ANKRD49: variants seen among roughly 807,000 people sequenced by gnomAD.
ANKRD49 encodes the protein ankyrin repeat domain-containing protein 49.
ANKRD49 carries 18 observed loss-of-function variants against 19.6 expected under a neutral mutation model. The observed-to-expected ratio is 0.92, with a 90% CI of 0.63 to 1.36. The LOEUF is 1.36. Ranked by LOEUF, ANKRD49 falls within the 40% of genes most tolerant of loss-of-function variation. The pLI is 0.00. For missense variants in ANKRD49, 218 were observed against 281.6 expected, an observed-to-expected ratio of 0.77 and a Z score of 1.62; for synonymous variants, 88 against 101.8, an observed-to-expected ratio of 0.86 and a Z score of 0.82.
chr11:94,497,938 T>G, intron 2 of ANKRD49, 133 bp from the exon 3 acceptor site: 1 of 666,284 alleles, frequency 1.5e-6, no homozygotes, highest in South Asian at 2.2e-5. Flanking sequence ...CTTAAATTAT[T>G]TTCATTTTAA....
At chr11:94,496,226 GCT>G (rs1947416231) in intron 1 of ANKRD49, among the ~76,000 whole-genome samples, 1 of 152,074 alleles carries the variant, frequency 6.6e-6, no homozygotes, top group Non-Finnish European at 1.5e-5. Flanking sequence ...TTTTATTTCT[GCT>G]CTATATTATC....
chr11:94,496,935 C>T lies in ANKRD49; in HGVS notation c.242C>T (p.Ala81Val). ...EKDPSRLLLW[A>V]AEKNRLTTVR... The stretch of plus-strand genomic sequence containing the variant: ...GACCCAAGCAGATTGCTTCTTTGGG[C>T]TGCTGAAAAAAATCGGGTAAAAAAA... Residue 81 changes from alanine to valine, a missense_variant, in exon 2 of 3, where the codon GCT (alanine) becomes GTT (valine). Coordinates refer to ENST00000544612, the MANE Select transcript of ANKRD49 (RefSeq NM_017704.3). The T allele has an allele frequency of 6.2e-7, 1 of 1,613,238 alleles. No homozygotes were observed. Among genetic ancestry groups the T allele is most frequent in the Non-Finnish European group, 8.5e-7 (1 of 1,179,900 alleles).
chr11:94,497,767 T>TA (rs1481545812), intron 2 of ANKRD49: 1 of 280,828 alleles, frequency 3.6e-6, no homozygotes, highest in East Asian at 7.2e-5. Flanking sequence ...AAGCCTATGT[T>TA]ATTCATTGGA....
In ANKRD49 at chr11:94,495,003, T is replaced by G. The variant is rs561845495; in HGVS notation, c.-91+968T>G. 1.3e-3 allele frequency among the ~76,000 whole-genome samples: 196 copies of G among 152,318 alleles called. 1 individual carries two copies. Among genetic ancestry groups the G allele is most frequent in the African/African-American group, 4.3e-3 (178 of 41,562 alleles). ...AACACAGAGCAATTCTGATTGGATATCTCTGATTCCAAGGGTGTCTCTGAT... is the reference window on the plus strand; with the variant it reads ...AACACAGAGCAATTCTGATTGGATAGCTCTGATTCCAAGGGTGTCTCTGAT... On this transcript the variant is annotated intron_variant, in intron 1 of 2. Coordinates refer to ENST00000544612, the MANE Select transcript of ANKRD49 (RefSeq NM_017704.3).
chr11:94,498,826 A>G lies in ANKRD49; in HGVS notation c.*294A>G. The G allele has an allele frequency of 2.9e-6, 1 of 339,560 alleles. No homozygotes were observed. Among genetic ancestry groups the G allele is most frequent in the Non-Finnish European group, 5.4e-6 (1 of 186,290 alleles). 21.0% of individuals were successfully genotyped at this position (339,560 alleles called of 1,614,324 possible). On this transcript the variant is annotated 3_prime_UTR_variant, in exon 3 of 3. Transcript: ENST00000544612. ...ACAGAAACTGGTATTTTTGGTGCTG[A>G]TACAAGAGAAATGTATTTTTAAATA...
chr11:94,498,445 T>G lies in ANKRD49; in HGVS notation c.633T>G (p.Thr211=), dbSNP rs749169445. Residue 211 remains threonine, a synonymous_variant, in exon 3 of 3, where the codon ACT becomes ACG. Coordinates refer to ENST00000544612, the MANE Select transcript of ANKRD49 (RefSeq NM_017704.3). ...GGCTGAAAAACAACTTGGAAGAAAC[T>G]GCATTTGATATTGCCAGGAGGACAA... is the stretch of plus-strand genomic sequence containing the variant. The part of the protein sequence containing the change: ...KPGLKNNLEE[T]AFDIARRTSI... 6.2e-7 allele frequency: 1 copy of G among 1,613,934 alleles called. No homozygotes were observed. The highest frequency in any genetic ancestry group is 8.5e-7 in the Non-Finnish European group (1 of 1,179,868).
At chr11:94,494,183 C>G (rs1268259273) in intron 1 of ANKRD49, 148 bp downstream of exon 1, 1 of 152,202 alleles carries the variant, frequency 6.6e-6, no homozygotes, top group Non-Finnish European at 1.5e-5. Flanking sequence ...AGGACCGAAG[C>G]CGCTTCTCCG....
rs1284813124 is a variant in ANKRD49, at chr11:94,498,624, C to G, written c.*92C>G. The G allele has an allele frequency of 8.9e-6, 10 of 1,129,532 alleles. No homozygotes were observed. Among genetic ancestry groups the G allele is most frequent in the Non-Finnish European group, 1.3e-5 (10 of 786,806 alleles). 70.0% of individuals were successfully genotyped at this position (1,129,532 alleles called of 1,614,324 possible). On this transcript the variant is annotated 3_prime_UTR_variant, in exon 3 of 3. Transcript: ENST00000544612. ...ATCAAAGTTGACGTCAAACATCTTACTACAAAAATTCAGTGACATTCATTA... is the reference window on the plus strand; with the variant it reads ...ATCAAAGTTGACGTCAAACATCTTAGTACAAAAATTCAGTGACATTCATTA...
chr11:94,498,518 T>G lies in ANKRD49; in HGVS notation c.706T>G (p.Ser236Ala). Residue 236 changes from serine to alanine, a missense_variant, in exon 3 of 3, where the codon TCA becomes GCA. By Grantham distance (99) the Ser-to-Ala change is moderately conservative. Transcript: ENST00000544612. ...AATTGTGGAAGGCTGTACAAATTCT[T>G]CACCTCAGTCTTAACAATTCTAGTA... ...FEIVEGCTNS[S>A]PQS 1 of 1,612,578 alleles carries G rather than the reference T, an allele frequency of 6.2e-7. No individual in the cohort carries two copies. The highest frequency in any genetic ancestry group is 8.5e-7 in the Non-Finnish European group (1 of 1,179,052).
rs1180498859 is a variant in ANKRD49 at position 94,499,030 on chromosome 11, T to C, written c.*498T>C. 6.5e-6 allele frequency: 1 copy of C among 154,232 alleles called. No individual in the cohort carries two copies. Among genetic ancestry groups the C allele is most frequent in the African/African-American group, 2.4e-5 (1 of 41,474 alleles). The allele number at this position is 154,232 out of a possible 1,614,324, so 9.6% of individuals were successfully genotyped here. A position where few individuals can be genotyped will look rare whatever the true frequency, so the allele number is the denominator to read the frequency against. The stretch of plus-strand genomic sequence containing the variant: ...CCAGAGCAAGTAACATATTAGTGAC[T>C]TGAATCTTCATAAGTTAAAGTAAAA... On this transcript the variant is annotated 3_prime_UTR_variant, in exon 3 of 3. Coordinates refer to ENST00000544612, the MANE Select transcript of ANKRD49 (RefSeq NM_017704.3).
intron 2 of ANKRD49, 139 bp downstream of exon 2, chr11:94,497,090 A>C: frequency 1.7e-6 from 2 of 1,172,130 alleles, no homozygotes; most frequent in Non-Finnish European, 2.5e-6. Flanking sequence ...ACATGAAAGC[A>C]CATATTAAGC....
intron 1 of ANKRD49, among the ~76,000 whole-genome samples, chr11:94,494,383 CA>C (rs1947379215): frequency 6.6e-6 from 1 of 152,194 alleles, no homozygotes. Context: ...ATGTATAGTG[CA>C]GCGAAAAATA....
At chr11:94,496,157 G>A (rs1185564908) in intron 1 of ANKRD49, among the ~76,000 whole-genome samples, 1 of 152,098 alleles carries the variant, frequency 6.6e-6, no homozygotes, top group Non-Finnish European at 1.5e-5. Flanking sequence ...CCTTTTGGGG[G>A]CTATTCCATC....
Position 94,498,402 on chromosome 11 carries a change from A to G in ANKRD49, c.590A>G (p.Asn197Ser), listed in dbSNP as rs1259842851. Residue 197 changes from asparagine to serine, a missense_variant, in exon 3 of 3, where the codon AAC becomes AGC. By Grantham distance (46) the Asn-to-Ser change is conservative. Coordinates refer to ENST00000544612, the MANE Select transcript of ANKRD49 (RefSeq NM_017704.3). ...GATACCCTAGAACTCCTCCTGATGA[A>G]CCGTTACGTCAAACCAGGGCTGAAA... ...SKDTLELLLM[N>S]RYVKPGLKNN... The G allele has an allele frequency of 1.9e-6, 3 of 1,613,490 alleles. No individual in the cohort carries two copies. Among genetic ancestry groups the G allele is most frequent in the Admixed American group, 3.3e-5 (2 of 60,014 alleles).
rs1463529277 is a variant in ANKRD49, at chr11:94,498,297, A to G, written c.485A>G (p.Gln162Arg). The change falls in exon 3 of 3, where the codon CAG (glutamine) becomes CGG (arginine). Residue 162 changes from glutamine to arginine, a missense_variant. Transcript: ENST00000544612. ...ACCAGAGTGGCTTCTTTCTTACTGC[A>G]GCATGATGCAGATATCAATGCCCAA... ...NNTRVASFLL[Q>R]HDADINAQTK... 1.9e-6 allele frequency: 3 copies of G among 1,614,196 alleles called. No individual in the cohort carries two copies. Among genetic ancestry groups the G allele is most frequent in the South Asian group, 2.2e-5 (2 of 91,090 alleles).
At position 94,495,519 on chromosome 11, in the gene ANKRD49, G is replaced by T. The variant is rs1241688531; in HGVS notation, c.-90-1085G>T. Among the ~76,000 whole-genome samples the T allele has an allele frequency of 2.6e-5, 4 of 152,304 alleles. No individual in the cohort carries two copies. The South Asian group carries it at 8.3e-4, about 32-fold the overall frequency. ...AGAAAGAATGAAAGAGATAACATCA[G>T]AGAAGAGCCTTGAAAGACTGATTAT... is the stretch of plus-strand genomic sequence containing the variant. On this transcript the variant is annotated intron_variant, in intron 1 of 2. Transcript: ENST00000544612.
Position 94,496,940 on chromosome 11 carries a change from G to GA in ANKRD49, c.254dup (p.Asn85LysfsTer12), listed in dbSNP as rs757002834. 3.7e-6 allele frequency: 6 copies of GA among 1,612,848 alleles called. No homozygotes were observed. Among genetic ancestry groups the GA allele is most frequent in the East Asian group, 2.2e-5 (1 of 44,864 alleles). ...AAGCAGATTGCTTCTTTGGGCTGCT[G>GA]AAAAAAATCGGGTAAAAAAAAAAAT... is the stretch of plus-strand genomic sequence containing the variant. On this transcript the variant is annotated frameshift_variant, in exon 2 of 3. Transcript: ENST00000544612. LOFTEE classifies it high-confidence loss of function.
Position 94,498,457 on chromosome 11 carries a change from T to G in ANKRD49, c.645T>G (p.Ile215Met). 1.9e-6 allele frequency: 3 copies of G among 1,613,948 alleles called. No homozygotes were observed. The highest frequency in any genetic ancestry group is 2.5e-6 in the Non-Finnish European group (3 of 1,179,852). The change falls in exon 3 of 3, where the codon ATT (isoleucine) becomes ATG (methionine). Residue 215 changes from isoleucine to methionine, a missense_variant. Transcript: ENST00000544612. ...KNNLEETAFD[I>M]ARRTSIYHYL... ...ACTTGGAAGAAACTGCATTTGATAT[T>G]GCCAGGAGGACAAGTATCTATCACT...
In ANKRD49 at chr11:94,498,253, T is replaced by C. The variant is rs1198087594; in HGVS notation, c.441T>C (p.Ser147=). ...VTVDGWTPLH[S]ACKWNNTRVA... ...TGGATGGCTGGACGCCCCTGCACAG[T>C]GCTTGTAAGTGGAATAATACCAGAG... Residue 147 remains serine (S), a synonymous_variant, in exon 3 of 3, where the codon AGT becomes AGC. Coordinates refer to ENST00000544612, the MANE Select transcript of ANKRD49 (RefSeq NM_017704.3). 1 of 1,614,138 alleles carries C rather than the reference T, an allele frequency of 6.2e-7. No individual in the cohort carries two copies. Among genetic ancestry groups the C allele is most frequent in the East Asian group, 2.2e-5 (1 of 44,882 alleles).
Sources: gnomAD v4.1 joint callset for allele counts (sites outside exome capture counted in the v4.1 genomes callset) on GRCh38, gnomAD v4.1.1 for gene constraint, MANE v1.5 for transcripts, NCBI Gene and HGNC (gene_info 2026-07-23, HGNC 2026-07-21) for gene names.